The following CLRN1 variants were observed in gnomAD, a reference collection of about 807,000 sequenced individuals.
The protein encoded by CLRN1 is clarin-1.
A neutral mutation model predicts 18.7 loss-of-function variants in CLRN1; 15 were observed. That is an observed-to-expected ratio of 0.80 (90% CI 0.54 to 1.23). The LOEUF (loss-of-function observed/expected upper bound fraction) is 1.23. Ranked by LOEUF, CLRN1 falls within the 50% of genes most tolerant of loss-of-function variation. The pLI is 0.00. For missense variants in CLRN1, 311 were observed against 277.5 expected (o/e 1.12, Z -0.86); for synonymous variants, 104 against 102.9 (o/e 1.01, Z -0.07).
At chr3:150,947,713 C>T (rs1438558202) in intron 1 of CLRN1, among the ~76,000 whole-genome samples, 3 of 152,178 alleles carry the variant, frequency 2.0e-5, no homozygotes, top group African/African-American at 4.8e-5. Flanking sequence ...CCTCAGACCA[C>T]GGTACAATAA....
chr3:150,927,195 TTTC>T lies in CLRN1; in HGVS notation c.*738_*740del, dbSNP rs574031477. 1.2e-4 allele frequency: 63 copies of T among 534,768 alleles called. No individual in the cohort carries two copies. Among genetic ancestry groups the T allele is most frequent in the African/African-American group, 1.0e-3 (55 of 53,172 alleles). 33.1% of individuals were successfully genotyped at this position (534,768 alleles called of 1,614,324 possible). A position where few individuals can be genotyped will look rare whatever the true frequency, so the allele number is the denominator to read the frequency against. ...AGGAAAAATACCCTAAGCTTGGTTT[TTTC>T]TTCTTTTCTTCTTTTAGAGTTTGCA... On this transcript the variant is annotated 3_prime_UTR_variant, in exon 3 of 3. Transcript: ENST00000327047.
At chr3:150,935,259 G>T in intron 2 of CLRN1, among the ~76,000 whole-genome samples, 1 of 150,136 alleles carries the variant, frequency 6.7e-6, no homozygotes. Context: ...TCGTCATTTA[G>T]CATTAGGTAT....
intron 1 of CLRN1, among the ~76,000 whole-genome samples, chr3:150,968,802 C>CA (rs1715384864): frequency 6.6e-6 from 1 of 152,170 alleles, no homozygotes; most frequent in South Asian, 2.1e-4. Context: ...CTGTACTGAC[C>CA]AATACAGTAG....
chr3:150,959,436 C>T (rs1714918199), intron 1 of CLRN1, among the ~76,000 whole-genome samples: 1 of 152,044 alleles, frequency 6.6e-6, no homozygotes, highest in African/African-American at 2.4e-5. Context: ...CAAGACCAGC[C>T]TGGCCAACAT....
chr3:150,942,069 A>T (rs150868500), intron 1 of CLRN1, among the ~76,000 whole-genome samples: 2 of 151,612 alleles, frequency 1.3e-5, no homozygotes, highest in Non-Finnish European at 2.9e-5. Flanking sequence ...CATTTTAATA[A>T]CCAAGCCTTT....
intron 2 of CLRN1, among the ~76,000 whole-genome samples, chr3:150,930,000 A>G (rs1713053313): frequency 6.6e-6 from 1 of 152,210 alleles, no homozygotes; most frequent in African/African-American, 2.4e-5. Context: ...TCACTCATTC[A>G]TTTATTCTCT....
At chr3:150,951,630 GC>G (rs1559987472) in intron 1 of CLRN1, among the ~76,000 whole-genome samples, 1 of 152,108 alleles carries the variant, frequency 6.6e-6, no homozygotes, top group African/African-American at 2.4e-5. Context: ...CAGTCACCGC[GC>G]CCGGCCTGAG....
intron 1 of CLRN1, among the ~76,000 whole-genome samples, chr3:150,952,237 C>T (rs1434901372): frequency 6.6e-6 from 1 of 152,130 alleles, no homozygotes; most frequent in Non-Finnish European, 1.5e-5. Context: ...AGAAACCGCA[C>T]TTTGAGTTTT....
chr3:150,941,205 T>C (rs898697820), intron 2 of CLRN1, among the ~76,000 whole-genome samples: 18 of 142,062 alleles, frequency 1.3e-4, no homozygotes, highest in African/African-American at 4.5e-4. Context: ...AGCCCCCATA[T>C]ATACATATAT....
intron 1 of CLRN1, among the ~76,000 whole-genome samples, chr3:150,951,209 G>T (rs1576638053): frequency 6.6e-6 from 1 of 152,052 alleles, no homozygotes; most frequent in Non-Finnish European, 1.5e-5. Flanking sequence ...CATGACAGGA[G>T]TTTACCTATG....
At chr3:150,963,358 G>A (rs1199501608) in intron 1 of CLRN1, among the ~76,000 whole-genome samples, 1 of 152,084 alleles carries the variant, frequency 6.6e-6, no homozygotes, top group African/African-American at 2.4e-5. Context: ...AACTTACAAG[G>A]GATGTGATGG....
chr3:150,929,068 C>A (rs1712987413), intron 2 of CLRN1, among the ~76,000 whole-genome samples: 1 of 152,176 alleles, frequency 6.6e-6, no homozygotes, highest in Non-Finnish European at 1.5e-5. Flanking sequence ...TCCTTGGAGC[C>A]TCTGGACCAG....
chr3:150,940,464 C>A, intron 2 of CLRN1: 1 of 1,534,102 alleles, frequency 6.5e-7, no homozygotes, highest in South Asian at 1.2e-5. Context: ...GGAGTAGTGT[C>A]AAGAGCAAGA....
At chr3:150,945,256 A>G (rs963559928) in intron 1 of CLRN1, among the ~76,000 whole-genome samples, 2 of 152,240 alleles carry the variant, frequency 1.3e-5, no homozygotes, top group South Asian at 2.1e-4. Context: ...CCATGTCTAC[A>G]AGCACAGAAG....
chr3:150,965,856 A>G (rs1305736370), intron 1 of CLRN1, among the ~76,000 whole-genome samples: 1 of 152,234 alleles, frequency 6.6e-6, no homozygotes, highest in African/African-American at 2.4e-5. Context: ...TTGATTCTGT[A>G]CTTTTTTATG....
At chr3:150,972,781 T>C (rs755176421), upstream of CLRN1, 3 of 1,598,338 alleles carry the variant, frequency 1.9e-6, no homozygotes, top group Non-Finnish European at 1.7e-6. Flanking sequence ...GGACTGCCTC[T>C]TTGACTGCAT....
At chr3:150,934,951 T>A (rs1254673306) in intron 2 of CLRN1, among the ~76,000 whole-genome samples, 1 of 152,014 alleles carries the variant, frequency 6.6e-6, no homozygotes, top group Non-Finnish European at 1.5e-5. Context: ...TACACAAAGC[T>A]CACTGCTGAT....
chr3:150,964,669 T>C (rs1185535379), intron 1 of CLRN1, among the ~76,000 whole-genome samples: 1 of 152,208 alleles, frequency 6.6e-6, no homozygotes, highest in Non-Finnish European at 1.5e-5. Context: ...TGCCCATCAA[T>C]GATAGACTAG....
chr3:150,963,053 G>T (rs1284158736), intron 1 of CLRN1, among the ~76,000 whole-genome samples: 1 of 152,186 alleles, frequency 6.6e-6, no homozygotes, highest in East Asian at 1.9e-4. Context: ...AGTATTGGAA[G>T]TTCTGGCCAG....
Sources: gnomAD v4.1 joint callset for allele counts (sites outside exome capture counted in the v4.1 genomes callset) on GRCh38, gnomAD v4.1.1 for gene constraint, MANE v1.5 for transcripts, NCBI Gene and HGNC (gene_info 2026-07-23, HGNC 2026-07-21) for gene names.